PRKCH: variants seen among roughly 807,000 people sequenced by gnomAD.
PRKCH encodes the protein protein kinase C eta type.
In PRKCH, 28 loss-of-function variants were observed where a neutral mutation model predicts 82.5. The observed-to-expected ratio is 0.34, with a 90% CI of 0.25 to 0.47. The LOEUF (loss-of-function observed/expected upper bound fraction) is 0.47, where lower values mean the gene tolerates loss of function less well. Ranked by LOEUF, PRKCH falls within the 20% of genes least tolerant of loss-of-function variation. The pLI is 1.00. For synonymous variants in PRKCH, 322 were observed against 327.4 expected, an observed-to-expected ratio of 0.98 and a Z score of 0.18; for missense variants, 705 against 881.8, an observed-to-expected ratio of 0.80 and a Z score of 2.54.
At chr14:61,369,058 C>T (rs2046333778) in intron 1 of PRKCH, among the ~76,000 whole-genome samples, 1 of 152,076 alleles carries the variant, frequency 6.6e-6, no homozygotes. Context: ...ACCCTCTTTG[C>T]CCTGAAGAAC....
At chr14:61,328,403 T>TA (rs2045731499) in intron 1 of PRKCH, among the ~76,000 whole-genome samples, 1 of 125,252 alleles carries the variant, frequency 8.0e-6, no homozygotes, top group Non-Finnish European at 1.7e-5. Flanking sequence ...TTGTAATACG[T>TA]TATAACGTTT....
chr14:61,375,230 C>G lies in PRKCH; in HGVS notation c.364-15995C>G, dbSNP rs182378522. On this transcript the variant is annotated intron_variant, in intron 1 of 13. Transcript: ENST00000332981. ...GTCCAGTAAGTTCCTCAGTCTCCAT[C>G]TGAGACCACCTCAGCTTGGACTTCA... 1.5e-4 allele frequency among the ~76,000 whole-genome samples: 23 copies of G among 152,236 alleles called. No individual in the cohort carries two copies. The East Asian group carries it at 4.2e-3, about 28-fold the overall frequency.
chr14:61,305,347 C>CTTT (rs551126391), intron 1 of PRKCH: 25 of 141,446 alleles, frequency 1.8e-4, no homozygotes, highest in African/African-American at 5.7e-4. Flanking sequence ...CCATGCCCAG[C>CTTT]TTTTTTTTTT....
chr14:61,528,233 G>A (rs890921854), intron 10 of PRKCH, among the ~76,000 whole-genome samples: 4 of 150,002 alleles, frequency 2.7e-5, no homozygotes, highest in Admixed American at 2.0e-4. Context: ...TCACCCTGTC[G>A]CCCAGGCTGG....
chr14:61,545,512 A>G (rs2043244649), intron 12 of PRKCH, among the ~76,000 whole-genome samples: 1 of 152,218 alleles, frequency 6.6e-6, no homozygotes, highest in Non-Finnish European at 1.5e-5. Flanking sequence ...AGACACCTTG[A>G]AAACCTTTGT....
chr14:61,453,199 T>G (rs1884592728), intron 6 of PRKCH, 27 bp from the exon 7 acceptor site: 1 of 1,614,002 alleles, frequency 6.2e-7, no homozygotes, highest in Non-Finnish European at 8.5e-7. Context: ...TTTCTGAACA[T>G]GGATTCTGTT....
At chr14:61,509,953 A>T (rs1043140661) in intron 10 of PRKCH, among the ~76,000 whole-genome samples, 2 of 152,062 alleles carry the variant, frequency 1.3e-5, no homozygotes, top group African/African-American at 4.8e-5. Flanking sequence ...ATGAATGCTG[A>T]TGGAGAGGTT....
chr14:61,479,247 G>A (rs7154569), intron 9 of PRKCH, among the ~76,000 whole-genome samples: 6,083 of 152,160 alleles, frequency 0.04, 408 homozygotes, highest in African/African-American at 0.14. Context: ...AGCAGTTTCC[G>A]TTTCCTAACT....
Position 61,268,425 on chromosome 14 carries a change from G to T in PRKCH, c.-19+80757G>T, listed in dbSNP as rs538120809. Among the ~76,000 whole-genome samples, 4 of 152,168 alleles carry T rather than the reference G, an allele frequency of 2.6e-5. No homozygotes were observed. In the East Asian group the frequency reaches 7.7e-4, roughly 29 times the overall value. ...TCACACCTGTAATCCCAGCACTTTG[G>T]GGGGCTGAGGCAGGTGGATCACCTG... is the stretch of plus-strand genomic sequence containing the variant. On this transcript the variant is annotated intron_variant, in intron 1 of 3. Coordinates refer to the PRKCH transcript ENST00000555185.
chr14:61,473,512 C>G (rs1387287424), intron 9 of PRKCH, among the ~76,000 whole-genome samples: 2 of 152,158 alleles, frequency 1.3e-5, no homozygotes, highest in Admixed American at 1.3e-4. Flanking sequence ...AAGAAGTAGA[C>G]ATGATAGGAC....
intron 1 of PRKCH, chr14:61,306,825 C>T (rs1349796147): frequency 6.6e-6 from 1 of 152,090 alleles, no homozygotes; most frequent in South Asian, 2.1e-4. Context: ...ACTTCAATAA[C>T]CATTAGTTTG....
At chr14:61,542,626 G>C (rs1402466827) in intron 12 of PRKCH, among the ~76,000 whole-genome samples, 1 of 152,198 alleles carries the variant, frequency 6.6e-6, no homozygotes, top group Non-Finnish European at 1.5e-5. Flanking sequence ...CTCTTACCTG[G>C]CTGTAGAGGA....
chr14:61,401,053 C>G (rs1360290857), intron 2 of PRKCH, among the ~76,000 whole-genome samples: 1 of 152,144 alleles, frequency 6.6e-6, no homozygotes, highest in African/African-American at 2.4e-5. Context: ...TCCAGAGAGT[C>G]TTGTCTTTTG....
intron 9 of PRKCH, among the ~76,000 whole-genome samples, chr14:61,481,496 TAAACAA>T (rs1018814971): frequency 6.6e-6 from 1 of 152,224 alleles, no homozygotes; most frequent in African/African-American, 2.4e-5. Flanking sequence ...TCCCATTGCC[TAAACAA>T]GGGCTCTCTC....
intron 2 of PRKCH, among the ~76,000 whole-genome samples, chr14:61,392,085 A>AT (rs1401661699): frequency 1.3e-5 from 2 of 151,446 alleles, no homozygotes; most frequent in East Asian, 1.9e-4. Flanking sequence ...GTATATCAGT[A>AT]TTTTTTTCAT....
chr14:61,321,095 A>C (rs994513391), upstream of PRKCH, among the ~76,000 whole-genome samples: 12 of 152,338 alleles, frequency 7.9e-5, no homozygotes, highest in African/African-American at 2.9e-4. The surrounding 1 kb of genome is among the most constrained non-coding windows in gnomAD (Gnocchi z 4.1). Flanking sequence ...AAAGGCGCAC[A>C]AACAGGATGC....
intron 12 of PRKCH, among the ~76,000 whole-genome samples, chr14:61,539,288 G>A (rs2043151439): frequency 6.6e-6 from 1 of 152,152 alleles, no homozygotes. Flanking sequence ...GCCTTGGAAA[G>A]GAATTGAGTA....
At chr14:61,485,685 A>G in intron 10 of PRKCH, 29 bp downstream of exon 10, 1 of 1,600,240 alleles carries the variant, frequency 6.2e-7, no homozygotes, top group Non-Finnish European at 8.6e-7. Flanking sequence ...CCTGTCTTCT[A>G]ATTCACTGCC....
At chr14:61,189,361 CA>C (rs1484863188) in intron 1 of PRKCH, among the ~76,000 whole-genome samples, 2 of 148,514 alleles carry the variant, frequency 1.3e-5, no homozygotes, top group Admixed American at 1.4e-4. Context: ...AAGTTTAGGG[CA>C]AAGGCAAAGG....
Sources: allele counts gnomAD v4.1 joint callset (sites outside exome capture counted in the v4.1 genomes callset), GRCh38; gene constraint gnomAD v4.1.1; non-coding constraint Gnocchi (gnomAD v3.1); transcripts MANE v1.5; gene names NCBI Gene and HGNC (gene_info 2026-07-23, HGNC 2026-07-21).